The following GRM7 variants were observed in gnomAD, a reference collection of about 807,000 sequenced individuals.
GRM7 encodes the protein metabotropic glutamate receptor 7.
In GRM7, 35 loss-of-function variants were observed where a neutral mutation model predicts 84.5. The observed-to-expected ratio is 0.41, with a 90% CI of 0.32 to 0.55. GRM7 has a LOEUF of 0.55. Ranked by LOEUF, GRM7 falls within the 20% of genes least tolerant of loss-of-function variation. The pLI is 0.19. For missense variants in GRM7, 1,003 were observed against 1,194.6 expected, an observed-to-expected ratio of 0.84 and a Z score of 2.36; for synonymous variants, 487 against 455.1, an observed-to-expected ratio of 1.07 and a Z score of -0.89.
At chr3:7,204,465 G>T (rs1251076375) in intron 2 of GRM7, among the ~76,000 whole-genome samples, 9 of 152,164 alleles carry the variant, frequency 5.9e-5, no homozygotes, top group Admixed American at 2.6e-4. Context: ...GAAATCTATT[G>T]GCTTAGCCTT....
chr3:7,122,934 C>T (rs1693273163), intron 1 of GRM7, among the ~76,000 whole-genome samples: 1 of 98,000 alleles, frequency 1.0e-5, no homozygotes. Flanking sequence ...GTGGGAACAA[C>T]CTGCAGCTAT....
In GRM7 at chr3:6,863,990, G is replaced by A. The variant is rs562235245; in HGVS notation, c.519+2083G>A. The stretch of plus-strand genomic sequence containing the variant: ...TCCTTCTCTGGTGTGTGAACCTGAG[G>A]CAACTTGCTAGTGGTGAAAAAAGGG... On this transcript the variant is annotated intron_variant, in intron 1 of 9. Coordinates refer to ENST00000357716, the MANE Select transcript of GRM7 (RefSeq NM_000844.4). The surrounding 1 kb of genome is among the most constrained non-coding windows in gnomAD (Gnocchi z 4.8). Among the ~76,000 whole-genome samples, 1 of 152,192 alleles carries A rather than the reference G, an allele frequency of 6.6e-6. No individual in the cohort carries two copies. The highest frequency in any genetic ancestry group is 1.5e-5 in the Non-Finnish European group (1 of 68,010).
Position 7,680,235 on chromosome 3 carries a change from C to A in GRM7, c.2638C>A (p.Pro880Thr). 6.2e-7 allele frequency: 1 copy of A among 1,613,862 alleles called. No homozygotes were observed. Among genetic ancestry groups the A allele is most frequent in the African/African-American group, 1.3e-5 (1 of 75,048 alleles). ...ATMSSRLSHK[P>T]SDRPNGEAKT... ...CATGTCATCGAGGCTGTCACACAAA[C>A]CCAGTGACAGACCCAACGGTGAGGC... Residue 880 changes from proline to threonine, a missense_variant, in exon 9 of 10, where the codon CCC becomes ACC. This residue lies in a region of GRM7 where 910 missense variants were observed against 1,126.0 expected (regional missense o/e 0.81). Coordinates refer to ENST00000357716, the MANE Select transcript of GRM7 (RefSeq NM_000844.4).
chr3:7,410,412 A>G lies in GRM7; in HGVS notation c.1034-4611A>G, dbSNP rs544739877. On this transcript the variant is annotated intron_variant, in intron 4 of 9. Coordinates refer to ENST00000357716, the MANE Select transcript of GRM7 (RefSeq NM_000844.4). ...ATGGTGAGATCCTATCTCTACAAAA[A>G]AAATACAAAAATTATCCAGGCATGG... Among the ~76,000 whole-genome samples the G allele has an allele frequency of 3.3e-5, 5 of 152,150 alleles. No individual in the cohort carries two copies. The South Asian group carries it at 1.0e-3, about 32-fold the overall frequency.
chr3:7,086,308 C>A (rs1265840080), intron 1 of GRM7, among the ~76,000 whole-genome samples: 1 of 152,020 alleles, frequency 6.6e-6, no homozygotes, highest in African/African-American at 2.4e-5. Flanking sequence ...GTGTATAAAT[C>A]TGTATCCACT....
intron 1 of GRM7, among the ~76,000 whole-genome samples, chr3:6,968,492 A>G (rs1162236664): frequency 6.6e-6 from 1 of 152,232 alleles, no homozygotes; most frequent in Admixed American, 6.5e-5. Context: ...AAATGGGGAT[A>G]ATAATCGCAC....
chr3:6,887,118 T>G (rs1695725295), intron 1 of GRM7, among the ~76,000 whole-genome samples: 1 of 152,138 alleles, frequency 6.6e-6, no homozygotes, highest in Non-Finnish European at 1.5e-5. Context: ...ACAGTGCCTT[T>G]CTCCCACTGT....
intron 7 of GRM7, among the ~76,000 whole-genome samples, chr3:7,558,374 A>C (rs1693865857): frequency 1.3e-5 from 1 of 76,400 alleles, no homozygotes; most frequent in Admixed American, 1.1e-4. Flanking sequence ...GCTATGGCTA[A>C]GTTTTTAGTT....
intron 9 of GRM7, among the ~76,000 whole-genome samples, chr3:7,719,111 C>T (rs1701855914): frequency 6.6e-6 from 1 of 152,118 alleles, no homozygotes; most frequent in African/African-American, 2.4e-5. Context: ...GGTATGGTGA[C>T]TACCCCAGGG....
chr3:7,116,850 G>T (rs1693051674), intron 1 of GRM7, among the ~76,000 whole-genome samples: 1 of 152,120 alleles, frequency 6.6e-6, no homozygotes, highest in South Asian at 2.1e-4. Context: ...GGCATTAAAT[G>T]AGTTCTCTCT....
chr3:6,925,318 T>C (rs1293649295), intron 1 of GRM7, among the ~76,000 whole-genome samples: 1 of 152,198 alleles, frequency 6.6e-6, no homozygotes, highest in Non-Finnish European at 1.5e-5. Flanking sequence ...GTTGAATGAA[T>C]GCATGAATTA....
chr3:7,303,918 C>T (rs1700095833), intron 3 of GRM7, among the ~76,000 whole-genome samples: 2 of 147,752 alleles, frequency 1.4e-5, no homozygotes, highest in African/African-American at 2.5e-5. Context: ...TTTGCTGGAG[C>T]ATATCCTGTA....
At chr3:7,171,383 C>T (rs796099947) in intron 2 of GRM7, among the ~76,000 whole-genome samples, 5 of 152,190 alleles carry the variant, frequency 3.3e-5, no homozygotes, top group African/African-American at 1.2e-4. Context: ...GGAGAGATTA[C>T]CTCTCCAAAG....
At position 7,177,198 on chromosome 3, in the gene GRM7, C is replaced by T. The variant is rs553931368; in HGVS notation, c.736+30530C>T. On this transcript the variant is annotated intron_variant, in intron 2 of 9. Transcript: ENST00000357716. ...TGTCTTCTAATTATTAAAATAGGCT[C>T]CAAAATGCATAGCCTTTAAGGCTCT... Among the ~76,000 whole-genome samples, 29 of 152,204 alleles carry T rather than the reference C, an allele frequency of 1.9e-4. No homozygotes were observed. In the South Asian group the frequency reaches 4.6e-3, roughly 24 times the overall value.
chr3:7,446,890 C>T (rs774883656), intron 5 of GRM7, among the ~76,000 whole-genome samples: 3 of 152,062 alleles, frequency 2.0e-5, no homozygotes, highest in Non-Finnish European at 4.4e-5. Context: ...GCTGAATGGG[C>T]AAATTAAACA....
chr3:7,667,362 C>T (rs1457087940), intron 8 of GRM7, among the ~76,000 whole-genome samples: 4 of 151,908 alleles, frequency 2.6e-5, no homozygotes, highest in Admixed American at 6.5e-5. Context: ...TGCAGGCACT[C>T]GGATGGGTGG....
chr3:7,704,111 C>G (rs75786983), intron 9 of GRM7, among the ~76,000 whole-genome samples: 1,605 of 152,174 alleles, frequency 0.011, 26 homozygotes, highest in African/African-American at 0.036. Context: ...ATTGGTAAAG[C>G]ACACTGGGTA....
rs1442623365 is a variant in GRM7 at position 7,680,374 on chromosome 3, T to A, written c.2698+79T>A. Reference sequence around the variant, plus strand: ...AAGATGTGGGGTGTGCTTGCCTCTCTGGAGAAATACTGTGATCGTTCTTGT... The same window carrying A: ...AAGATGTGGGGTGTGCTTGCCTCTCAGGAGAAATACTGTGATCGTTCTTGT... On this transcript the variant is annotated intron_variant, in intron 9 of 9. Transcript: ENST00000357716. The A allele has an allele frequency of 4.2e-6, 6 of 1,442,040 alleles. No homozygotes were observed. In the Admixed American group the frequency reaches 8.7e-5, roughly 21 times the overall value. 89.3% of individuals were successfully genotyped at this position (1,442,040 alleles called of 1,614,324 possible). A position where few individuals can be genotyped will look rare whatever the true frequency, so the allele number is the denominator to read the frequency against.
At chr3:7,702,052 GA>G (rs1701246514) in intron 9 of GRM7, among the ~76,000 whole-genome samples, 1 of 152,042 alleles carries the variant, frequency 6.6e-6, no homozygotes, top group African/African-American at 2.4e-5. Context: ...AGGAAGTAAA[GA>G]AAAAAATTCT....
Sources: allele counts gnomAD v4.1 joint callset (sites outside exome capture counted in the v4.1 genomes callset), GRCh38; gene constraint gnomAD v4.1.1; regional missense constraint gnomAD v4.1.1; non-coding constraint Gnocchi (gnomAD v3.1); transcripts MANE v1.5; gene names NCBI Gene and HGNC (gene_info 2026-07-23, HGNC 2026-07-21).